Variants in BCKDHB observed in about 807,000 individuals in gnomAD.
The protein encoded by BCKDHB is branched chain keto acid dehydrogenase E1 subunit beta, also known as 2-oxoisovalerate dehydrogenase subunit beta, mitochondrial.
In BCKDHB, 41 loss-of-function variants were observed where a neutral mutation model predicts 48.5. The ratio of observed to expected loss-of-function variants is 0.85; its 90% CI spans 0.66 to 1.10. The LOEUF (loss-of-function observed/expected upper bound fraction) is 1.10. Ranked by LOEUF, BCKDHB falls within the 50% of genes least tolerant of loss-of-function variation. The probability of loss-of-function intolerance (pLI) is 0.00; values close to 1 mark genes in which losing one functional copy is unlikely to be tolerated. For synonymous variants in BCKDHB, 201 were observed against 174.8 expected (o/e 1.15, Z -1.18); for missense variants, 496 against 494.2 (o/e 1.00, Z -0.03).
chr6:80,202,956 A>G (rs1774465067), intron 7 of BCKDHB, 146 bp from the exon 8 acceptor site: 5 of 683,098 alleles, frequency 7.3e-6, no homozygotes, highest in Non-Finnish European at 1.3e-5. Flanking sequence ...GGGCTTCAAC[A>G]TATTTAAAAC....
chr6:80,205,791 G>GGTGTGTGTGTGTGTGT lies in BCKDHB; in HGVS notation c.951+2608_951+2623dup, dbSNP rs3840387. 5.3e-4 allele frequency among the ~76,000 whole-genome samples: 71 copies of GGTGTGTGTGTGTGTGT among 135,166 alleles called. 1 individual carries two copies. Among genetic ancestry groups the GGTGTGTGTGTGTGTGT allele is most frequent in the African/African-American group, 1.8e-3 (64 of 35,078 alleles). The allele number at this position is 135,166 out of a possible 152,430, so 88.7% of individuals were successfully genotyped here. On this transcript the variant is annotated intron_variant, in intron 8 of 9. Coordinates refer to ENST00000320393, the MANE Select transcript of BCKDHB (RefSeq NM_183050.4). ...AGACAGAGACCTACCCTGTGCCATG[G>GGTGTGTGTGTGTGTGT]GTGTGTGTGTGTGTGTGTGTGTGTG...
At chr6:80,407,880 T>G in the BCKDHB span, among the ~76,000 whole-genome samples, 1 of 152,196 alleles carries the variant, frequency 6.6e-6, no homozygotes, top group Non-Finnish European at 1.5e-5. Flanking sequence ...GGCTGGAACT[T>G]CCAACACTGT....
intron 6 of BCKDHB, among the ~76,000 whole-genome samples, chr6:80,197,092 C>G (rs3805919): frequency 0.61 from 92,402 of 151,982 alleles, 28,314 homozygotes; most frequent in South Asian, 0.76. Flanking sequence ...TAATATGACT[C>G]TGTGTGGTGC....
the BCKDHB span, among the ~76,000 whole-genome samples, chr6:80,422,692 T>C: frequency 6.6e-6 from 1 of 152,202 alleles, no homozygotes; most frequent in Non-Finnish European, 1.5e-5. Context: ...AATGTTAAGA[T>C]TTAATGAGTG....
chr6:80,273,181 T>C lies in BCKDHB; in HGVS notation c.998T>C (p.Leu333Ser), dbSNP rs749246466. The stretch of plus-strand genomic sequence containing the variant: ...CTGCTAATCAGTCACGAGGCTCCCT[T>C]GACAGGCGGCTTTGCATCGGAAATC... ...GRLLISHEAP[L>S]TGGFASEISS... The change falls in exon 9 of 10, where the codon TTG becomes TCG. Residue 333 changes from leucine (L) to serine (S), a missense_variant. Physicochemically the swap from Leu to Ser is moderately radical, Grantham distance 145. Transcript: ENST00000320393. 6.2e-7 allele frequency: 1 copy of C among 1,613,514 alleles called. No individual in the cohort carries two copies. Among genetic ancestry groups the C allele is most frequent in the African/African-American group, 1.3e-5 (1 of 74,902 alleles).
At chr6:80,203,529 T>C (rs1338296809) in intron 8 of BCKDHB, among the ~76,000 whole-genome samples, 1 of 152,114 alleles carries the variant, frequency 6.6e-6, no homozygotes, top group East Asian at 1.9e-4. Flanking sequence ...ACCTGTGTTT[T>C]TGACTTCTTA....
At chr6:80,338,699 C>T (rs1219699342) in intron 9 of BCKDHB, among the ~76,000 whole-genome samples, 1 of 151,984 alleles carries the variant, frequency 6.6e-6, no homozygotes, top group African/African-American at 2.4e-5. Flanking sequence ...ATACCTTGTG[C>T]TTATTATAAA....
At chr6:80,357,046 T>C in the BCKDHB span, among the ~76,000 whole-genome samples, 2 of 151,166 alleles carry the variant, frequency 1.3e-5, no homozygotes, top group African/African-American at 4.9e-5. Flanking sequence ...AAGTTTGACT[T>C]TTTAAATTAA....
chr6:80,456,568 C>G, the BCKDHB span, among the ~76,000 whole-genome samples: 1 of 152,184 alleles, frequency 6.6e-6, no homozygotes, highest in Admixed American at 6.6e-5. Flanking sequence ...AACAAAAAAG[C>G]CTTCAAGATT....
intron 3 of BCKDHB, among the ~76,000 whole-genome samples, chr6:80,141,871 T>A (rs1311085205): frequency 6.6e-6 from 1 of 152,140 alleles, no homozygotes; most frequent in East Asian, 1.9e-4. Context: ...ATATGAAAGA[T>A]GTTGCTAAAT....
the BCKDHB span, among the ~76,000 whole-genome samples, chr6:80,446,079 T>G: frequency 9.8e-5 from 15 of 152,308 alleles, no homozygotes; most frequent in Admixed American, 9.2e-4. Flanking sequence ...TATGTAAAAT[T>G]TCATTGGCTA....
At chr6:80,395,706 T>C in the BCKDHB span, among the ~76,000 whole-genome samples, 1 of 152,170 alleles carries the variant, frequency 6.6e-6, no homozygotes, top group Non-Finnish European at 1.5e-5. Flanking sequence ...ACCAAGGCCA[T>C]GGGGAAAATA....
the BCKDHB span, among the ~76,000 whole-genome samples, chr6:80,397,533 C>T: frequency 1.3e-5 from 2 of 152,156 alleles, no homozygotes; most frequent in African/African-American, 4.8e-5. Flanking sequence ...CACAATTTTT[C>T]ATAAGCTATT....
the BCKDHB span, among the ~76,000 whole-genome samples, chr6:80,410,286 C>A: frequency 6.6e-6 from 1 of 152,166 alleles, no homozygotes. Context: ...CCACATTCTT[C>A]TTGCTTATCG....
chr6:80,292,275 A>G lies in BCKDHB; in HGVS notation c.1038+19054A>G, dbSNP rs185727041. ...GTCTATTCTCACACTGCTGATAAAG[A>G]CATACCTGATATTGGGTAATTTATA... is the stretch of plus-strand genomic sequence containing the variant. On this transcript the variant is annotated intron_variant, in intron 9 of 9. Coordinates refer to ENST00000320393, the MANE Select transcript of BCKDHB (RefSeq NM_183050.4). Among the ~76,000 whole-genome samples, 7 of 152,338 alleles carry G rather than the reference A, an allele frequency of 4.6e-5. No homozygotes were observed. The East Asian group carries it at 1.3e-3, about 29-fold the overall frequency.
intron 6 of BCKDHB, among the ~76,000 whole-genome samples, chr6:80,180,411 A>G (rs1773356962): frequency 6.6e-6 from 1 of 152,212 alleles, no homozygotes; most frequent in Non-Finnish European, 1.5e-5. Context: ...TGATTCAAAA[A>G]GAGTGAGTCA....
chr6:80,120,429 A>G (rs144857104), intron 1 of BCKDHB, among the ~76,000 whole-genome samples: 2 of 152,160 alleles, frequency 1.3e-5, no homozygotes, highest in Non-Finnish European at 2.9e-5. Context: ...TCCTTGAGGA[A>G]TCTCCACACT....
chr6:80,408,667 A>C, the BCKDHB span, among the ~76,000 whole-genome samples: 1 of 151,210 alleles, frequency 6.6e-6, no homozygotes, highest in Non-Finnish European at 1.5e-5. Context: ...GTATTCTCTG[A>C]TGGTAGTTTG....
chr6:80,227,158 A>G lies in BCKDHB; in HGVS notation c.951+23946A>G, dbSNP rs1414290353. ...ACAAAATACTCTACATGCATTTAAC[A>G]TGTATTACAGATTGTCTATATTAAA... is the stretch of plus-strand genomic sequence containing the variant. On this transcript the variant is annotated intron_variant, in intron 8 of 9. Transcript: ENST00000320393. Among the ~76,000 whole-genome samples, 4 of 152,324 alleles carry G rather than the reference A, an allele frequency of 2.6e-5. No homozygotes were observed. The East Asian group carries it at 7.7e-4, about 29-fold the overall frequency.
Sources: gnomAD v4.1 joint callset for allele counts (sites outside exome capture counted in the v4.1 genomes callset) on GRCh38, gnomAD v4.1.1 for gene constraint, MANE v1.5 for transcripts, NCBI Gene and HGNC (gene_info 2026-07-23, HGNC 2026-07-21) for gene names.